Variants in C8orf34 observed in about 807,000 individuals in gnomAD.
The protein encoded by C8orf34 is chromosome 8 open reading frame 34.
In C8orf34, 65 loss-of-function variants were observed where a neutral mutation model predicts 68.3. That is an observed-to-expected ratio of 0.95 (90% CI 0.78 to 1.17). C8orf34 has a LOEUF of 1.17. C8orf34 is among the 50% of genes most tolerant of loss of function. C8orf34 has a pLI of 0.00. For missense variants in C8orf34, 664 were observed against 655.4 expected (o/e 1.01, Z -0.14); for synonymous variants, 244 against 241.2 (o/e 1.01, Z -0.11).
At chr8:68,550,448 C>T (rs1816027892) in intron 7 of C8orf34, among the ~76,000 whole-genome samples, 1 of 151,964 alleles carries the variant, frequency 6.6e-6, no homozygotes, top group South Asian at 2.1e-4. Context: ...TATGCATACA[C>T]ACATGTGTAA....
At chr8:68,749,496 A>T (rs570251534) in intron 10 of C8orf34, among the ~76,000 whole-genome samples, 1 of 152,156 alleles carries the variant, frequency 6.6e-6, no homozygotes, top group Non-Finnish European at 1.5e-5. Flanking sequence ...AGTATATAAT[A>T]AACATTTTTA....
chr8:68,581,168 A>G (rs1032729872), intron 7 of C8orf34, among the ~76,000 whole-genome samples: 31 of 152,130 alleles, frequency 2.0e-4, no homozygotes, highest in Non-Finnish European at 4.4e-4. Context: ...AAACTTGCGT[A>G]TTTCTTATGC....
At chr8:68,400,446 A>G (rs997992171) in intron 1 of C8orf34, among the ~76,000 whole-genome samples, 3 of 152,064 alleles carry the variant, frequency 2.0e-5, no homozygotes, top group Non-Finnish European at 4.4e-5. Flanking sequence ...ACTGAAAAGG[A>G]TATCCTTTCC....
intron 10 of C8orf34, among the ~76,000 whole-genome samples, chr8:68,723,448 G>A (rs1388464274): frequency 6.6e-6 from 1 of 152,038 alleles, no homozygotes; most frequent in Non-Finnish European, 1.5e-5. Context: ...CACAACCAAA[G>A]CTAGGGTTCC....
intron 10 of C8orf34, among the ~76,000 whole-genome samples, chr8:68,730,288 A>G (rs996441022): frequency 6.6e-6 from 1 of 152,158 alleles, no homozygotes; most frequent in East Asian, 1.9e-4. Context: ...AACAGTGACT[A>G]GTACATATTT....
At chr8:68,750,956 A>G (rs1443137739) in intron 10 of C8orf34, among the ~76,000 whole-genome samples, 1 of 152,162 alleles carries the variant, frequency 6.6e-6, no homozygotes, top group Admixed American at 6.6e-5. Context: ...TGAAACCGGG[A>G]GTTAAGAGAT....
chr8:68,733,552 A>G (rs931265052), intron 10 of C8orf34, among the ~76,000 whole-genome samples: 1 of 152,166 alleles, frequency 6.6e-6, no homozygotes, highest in Non-Finnish European at 1.5e-5. Context: ...TAGCTGTTCT[A>G]AAGCATGCCT....
At chr8:68,757,352 G>A (rs369296568) in intron 10 of C8orf34, among the ~76,000 whole-genome samples, 12 of 152,052 alleles carry the variant, frequency 7.9e-5, no homozygotes, top group Admixed American at 2.6e-4. Flanking sequence ...AATGTTAGCC[G>A]GGCGCAGTGG....
chr8:68,589,900 A>G (rs1389487958), intron 7 of C8orf34, among the ~76,000 whole-genome samples: 1 of 135,272 alleles, frequency 7.4e-6, no homozygotes, highest in Non-Finnish European at 1.6e-5. Flanking sequence ...GAAGAAGGAA[A>G]GGAAGTAAGA....
chr8:68,347,255 G>C (rs1092887), intron 1 of C8orf34, among the ~76,000 whole-genome samples: 37,291 of 151,772 alleles, frequency 0.25, 6,408 homozygotes, highest in African/African-American at 0.49. Context: ...AGGATAATAG[G>C]CTCCAGCTCT....
chr8:68,807,094 G>A (rs1824509801), intron 12 of C8orf34, among the ~76,000 whole-genome samples: 1 of 152,110 alleles, frequency 6.6e-6, no homozygotes, highest in Non-Finnish European at 1.5e-5. Flanking sequence ...TCACATGATT[G>A]TAGCTAGATT....
At chr8:68,594,484 G>A (rs1817485455) in intron 7 of C8orf34, among the ~76,000 whole-genome samples, 1 of 151,998 alleles carries the variant, frequency 6.6e-6, no homozygotes, top group Admixed American at 6.6e-5. Context: ...TAGATGTCCA[G>A]ATTTGTTACA....
intron 7 of C8orf34, among the ~76,000 whole-genome samples, chr8:68,571,616 GA>G (rs1816760946): frequency 6.6e-6 from 1 of 152,096 alleles, no homozygotes; most frequent in Non-Finnish European, 1.5e-5. Flanking sequence ...AAAAGAGGAG[GA>G]AAAATTCTTT....
In C8orf34 at chr8:68,518,620, G is replaced by A. The variant is rs1168306564; in HGVS notation, c.766-3179G>A. ...TGATTTAGCCTTAAAATTTGTGGCC[G>A]GGTGCGGTGGTTCATGAATGTAATC... On this transcript the variant is annotated intron_variant, in intron 5 of 13. Transcript: ENST00000518698. Among the ~76,000 whole-genome samples the A allele has an allele frequency of 2.6e-5, 4 of 152,068 alleles. No individual in the cohort carries two copies. In the East Asian group the frequency reaches 5.8e-4, roughly 22 times the overall value.
intron 7 of C8orf34, among the ~76,000 whole-genome samples, chr8:68,568,888 C>A (rs1013953643): frequency 6.7e-6 from 1 of 148,608 alleles, no homozygotes; most frequent in Non-Finnish European, 1.5e-5. Context: ...GTCTCTCTTG[C>A]GCTGCACAAC....
At chr8:68,460,329 T>C (rs907043253) in intron 3 of C8orf34, among the ~76,000 whole-genome samples, 1 of 152,230 alleles carries the variant, frequency 6.6e-6, no homozygotes, top group Non-Finnish European at 1.5e-5. Flanking sequence ...CAAGGAGGCC[T>C]GCCTGCCTCT....
In C8orf34 at chr8:68,590,691, C is replaced by G. The variant is rs1468026238; in HGVS notation, c.1106-49685C>G. Among the ~76,000 whole-genome samples, 5 of 152,166 alleles carry G rather than the reference C, an allele frequency of 3.3e-5. No individual in the cohort carries two copies. The East Asian group carries it at 9.6e-4, about 29-fold the overall frequency. The stretch of plus-strand genomic sequence containing the variant: ...CCCCAAGATTTGAGTCTGAGTCTAT[C>G]TAATCAGTATGAAGCTTGAGGCCTC... On this transcript the variant is annotated intron_variant, in intron 7 of 13. Coordinates refer to ENST00000518698, the MANE Select transcript of C8orf34 (RefSeq NM_052958.4).
chr8:68,736,778 T>G (rs570576778), intron 10 of C8orf34, among the ~76,000 whole-genome samples: 1 of 152,114 alleles, frequency 6.6e-6, no homozygotes, highest in East Asian at 1.9e-4. Flanking sequence ...TTCCAAATGG[T>G]TAGTGTCATA....
Position 68,444,883 on chromosome 8 carries a change from G to GT in C8orf34, c.476-1439dup, listed in dbSNP as rs549157019. Among the ~76,000 whole-genome samples, 274 of 152,000 alleles carry GT rather than the reference G, an allele frequency of 1.8e-3. 2 individuals are homozygous for GT. The highest frequency in any genetic ancestry group is 6.3e-3 in the African/African-American group (263 of 41,466). ...AGAGATGCTATATTTTATGACCAAG[G>GT]TTTTTTTCTCCCATTACCTATGTTG... On this transcript the variant is annotated intron_variant, in intron 2 of 13. Transcript: ENST00000518698.
Sources: gnomAD v4.1 joint callset for allele counts (sites outside exome capture counted in the v4.1 genomes callset) on GRCh38, gnomAD v4.1.1 for gene constraint, MANE v1.5 for transcripts, NCBI Gene and HGNC (gene_info 2026-07-23, HGNC 2026-07-21) for gene names.